Variants in TGFA observed in about 807,000 individuals in gnomAD.
The protein encoded by TGFA is protransforming growth factor alpha.
A neutral mutation model predicts 21.7 loss-of-function variants in TGFA; 12 were observed. The ratio of observed to expected loss-of-function variants is 0.55; its 90% CI spans 0.35 to 0.90. TGFA has a LOEUF of 0.90. Ranked by LOEUF, TGFA falls within the 40% of genes least tolerant of loss-of-function variation. The probability of loss-of-function intolerance (pLI) is 0.01; values close to 1 mark genes in which losing one functional copy is unlikely to be tolerated. For synonymous variants in TGFA, 79 were observed against 88.1 expected, an observed-to-expected ratio of 0.90 and a Z score of 0.58; for missense variants, 178 against 210.8, an observed-to-expected ratio of 0.84 and a Z score of 0.96.
intron 1 of TGFA, among the ~76,000 whole-genome samples, chr2:70,524,427 G>A (rs1371117377): frequency 6.6e-6 from 1 of 152,200 alleles, no homozygotes. Context: ...TCTTCCCCAG[G>A]CCTGCTCACG....
chr2:70,530,440 GGAA>G (rs1255464544), intron 1 of TGFA, among the ~76,000 whole-genome samples: 4 of 152,124 alleles, frequency 2.6e-5, no homozygotes, highest in Admixed American at 6.5e-5. Flanking sequence ...GGGCCACATT[GGAA>G]GAAGAAGAAT....
At chr2:70,500,699 T>C (rs1553499007) in intron 2 of TGFA, among the ~76,000 whole-genome samples, 1 of 152,166 alleles carries the variant, frequency 6.6e-6, no homozygotes, top group Non-Finnish European at 1.5e-5. Flanking sequence ...CTACCTCCAC[T>C]GTATCCTAAA....
At chr2:70,476,652 A>G (rs782103230) in intron 2 of TGFA, among the ~76,000 whole-genome samples, 29 of 152,254 alleles carry the variant, frequency 1.9e-4, no homozygotes, top group Admixed American at 5.9e-4. Context: ...TTGTTTTTCT[A>G]GAACATTTTA....
In TGFA at chr2:70,450,818, T is replaced by A; in HGVS notation, c.*41A>T. On this transcript the variant is annotated 3_prime_UTR_variant, in exon 6 of 6. Transcript: ENST00000295400. ...TCCTGAAGAAGCCTTTCTTTATTGA[T>A]CTGCCACAGTCCACCTGGCCAAACT... The A allele has an allele frequency of 1.2e-6, 2 of 1,605,654 alleles. No individual in the cohort carries two copies. Among genetic ancestry groups the A allele is most frequent in the Non-Finnish European group, 1.7e-6 (2 of 1,175,366 alleles).
At chr2:70,549,594 A>G (rs1318065679) in intron 1 of TGFA, among the ~76,000 whole-genome samples, 1 of 152,222 alleles carries the variant, frequency 6.6e-6, no homozygotes, top group East Asian at 1.9e-4. Flanking sequence ...ACCAAGCACA[A>G]GATGCCTAAT....
At chr2:70,550,689 T>C (rs1026943894) in intron 1 of TGFA, among the ~76,000 whole-genome samples, 11 of 152,008 alleles carry the variant, frequency 7.2e-5, no homozygotes, top group Non-Finnish European at 1.2e-4. Flanking sequence ...CCGGGCGTGG[T>C]GGCGGGCGCC....
At chr2:70,509,396 T>C (rs10178576) in intron 2 of TGFA, among the ~76,000 whole-genome samples, 4,800 of 152,272 alleles carry the variant, frequency 0.032, 253 homozygotes, top group African/African-American at 0.11. Flanking sequence ...TCTGCCTTCC[T>C]TCTGTGCACC....
intron 1 of TGFA, among the ~76,000 whole-genome samples, chr2:70,539,068 G>T (rs1036013874): frequency 6.6e-6 from 1 of 152,160 alleles, no homozygotes; most frequent in Non-Finnish European, 1.5e-5. Context: ...TTTGCTGAAG[G>T]CTTAGATAAT....
chr2:70,490,628 C>T (rs1398548608), intron 2 of TGFA, among the ~76,000 whole-genome samples: 1 of 152,140 alleles, frequency 6.6e-6, no homozygotes, highest in African/African-American at 2.4e-5. Context: ...GATAGAACTT[C>T]CAAAAAACAC....
At chr2:70,497,454 A>AC (rs1381226218) in intron 2 of TGFA, among the ~76,000 whole-genome samples, 1 of 152,230 alleles carries the variant, frequency 6.6e-6, no homozygotes, top group Non-Finnish European at 1.5e-5. Context: ...ACCAGACCTA[A>AC]CCCCATGCAC....
intron 5 of TGFA, among the ~76,000 whole-genome samples, chr2:70,452,260 T>C (rs1402402921): frequency 3.9e-5 from 6 of 152,130 alleles, no homozygotes; most frequent in South Asian, 2.1e-4. Context: ...TTGGTCAAAA[T>C]TGAATCCCTG....
At chr2:70,503,333 C>G (rs1671795423) in intron 2 of TGFA, among the ~76,000 whole-genome samples, 3 of 149,404 alleles carry the variant, frequency 2.0e-5, no homozygotes, top group Non-Finnish European at 3.0e-5. Context: ...GACAAAAAAC[C>G]AAACACCGCA....
chr2:70,468,555 C>A (rs1670642220), intron 2 of TGFA: 1 of 152,284 alleles, frequency 6.6e-6, no homozygotes, highest in Non-Finnish European at 1.5e-5. Context: ...GAGGCCAATG[C>A]AGGCCGGCAA....
chr2:70,471,870 C>A (rs1395256550), intron 2 of TGFA, among the ~76,000 whole-genome samples: 3 of 152,100 alleles, frequency 2.0e-5, no homozygotes, highest in Non-Finnish European at 4.4e-5. Flanking sequence ...CCTTGGGGGG[C>A]AAAACTGCCT....
intron 5 of TGFA, chr2:70,451,785 C>T (rs1440528727): frequency 7.1e-6 from 5 of 701,072 alleles, no homozygotes; most frequent in African/African-American, 1.8e-5. Context: ...TGAGAGGGGG[C>T]TTTAGAGGCC....
chr2:70,537,639 G>C (rs1281560548), intron 1 of TGFA, among the ~76,000 whole-genome samples: 1 of 152,216 alleles, frequency 6.6e-6, no homozygotes, highest in Non-Finnish European at 1.5e-5. Flanking sequence ...TTAAACCAAA[G>C]CCTACTCCAG....
intron 1 of TGFA, among the ~76,000 whole-genome samples, chr2:70,542,465 C>T (rs3771473): frequency 0.44 from 67,159 of 151,878 alleles, 15,553 homozygotes; most frequent in African/African-American, 0.56. Flanking sequence ...GCTGAAGATA[C>T]GGTCTCATTG....
chr2:70,470,729 GC>G (rs1181399330), intron 2 of TGFA, among the ~76,000 whole-genome samples: 1 of 152,206 alleles, frequency 6.6e-6, no homozygotes, highest in Non-Finnish European at 1.5e-5. Context: ...GTGGAAACAA[GC>G]CTGAGGCTTA....
intron 4 of TGFA, among the ~76,000 whole-genome samples, chr2:70,456,135 C>T (rs1045074147): frequency 7.2e-5 from 11 of 152,230 alleles, no homozygotes; most frequent in African/African-American, 2.2e-4. Flanking sequence ...GCTGGGGATC[C>T]GCCCAGGATG....
Sources: allele counts gnomAD v4.1 joint callset (sites outside exome capture counted in the v4.1 genomes callset), GRCh38; gene constraint gnomAD v4.1.1; transcripts MANE v1.5; gene names NCBI Gene and HGNC (gene_info 2026-07-23, HGNC 2026-07-21).